The following MARCHF11 variants were observed in gnomAD, a reference collection of about 807,000 sequenced individuals.
The protein encoded by MARCHF11 is membrane associated ring-CH-type finger 11, also known as E3 ubiquitin-protein ligase MARCHF11.
A neutral mutation model predicts 37.3 loss-of-function variants in MARCHF11; 29 were observed. The observed-to-expected ratio is 0.78, with a 90% confidence interval of 0.58 to 1.06. MARCHF11 has a LOEUF of 1.06. MARCHF11 is among the 50% of genes least tolerant of loss of function. The probability of loss-of-function intolerance (pLI) is 0.00; values close to 1 mark genes in which losing one functional copy is unlikely to be tolerated. For synonymous variants in MARCHF11, 233 were observed against 228.0 expected (o/e 1.02, Z -0.20); for missense variants, 482 against 533.4 (o/e 0.90, Z 0.95).
intron 2 of MARCHF11, among the ~76,000 whole-genome samples, chr5:16,093,397 A>G (rs1022532617): frequency 6.6e-6 from 1 of 152,160 alleles, no homozygotes; most frequent in Non-Finnish European, 1.5e-5. Flanking sequence ...GCCTCCTTGC[A>G]TGATAATTCA....
chr5:16,130,491 G>A (rs1737499195), intron 2 of MARCHF11, among the ~76,000 whole-genome samples: 1 of 152,046 alleles, frequency 6.6e-6, no homozygotes, highest in Non-Finnish European at 1.5e-5. Context: ...ATTCTGGCTG[G>A]GCAGTTACAG....
chr5:16,119,128 C>T (rs185975237), intron 2 of MARCHF11, among the ~76,000 whole-genome samples: 235 of 152,008 alleles, frequency 1.5e-3, no homozygotes, highest in African/African-American at 5.0e-3. Context: ...TTTGGGAGGC[C>T]GAGGTGGGTG....
At chr5:16,136,318 T>C (rs768766683) in intron 2 of MARCHF11, among the ~76,000 whole-genome samples, 1 of 151,870 alleles carries the variant, frequency 6.6e-6, no homozygotes, top group Non-Finnish European at 1.5e-5. Context: ...AAACATGAAG[T>C]AAGTGGACTT....
intron 2 of MARCHF11, among the ~76,000 whole-genome samples, chr5:16,124,174 A>G (rs1296477627): frequency 6.6e-6 from 1 of 152,154 alleles, no homozygotes; most frequent in Non-Finnish European, 1.5e-5. Flanking sequence ...TGGCCTGGGA[A>G]CAATGGAGTG....
At chr5:16,148,172 G>C (rs1329865119) in intron 2 of MARCHF11, among the ~76,000 whole-genome samples, 2 of 151,924 alleles carry the variant, frequency 1.3e-5, no homozygotes, top group Non-Finnish European at 2.9e-5. Flanking sequence ...ATCGGAGGAG[G>C]AATTAAGTAT....
At chr5:16,068,767 T>C (rs1736390409) in intron 3 of MARCHF11, among the ~76,000 whole-genome samples, 1 of 152,206 alleles carries the variant, frequency 6.6e-6, no homozygotes, top group Non-Finnish European at 1.5e-5. Context: ...CAAAAAGTAG[T>C]CCCTGGGGAA....
intron 2 of MARCHF11, among the ~76,000 whole-genome samples, chr5:16,167,073 T>A (rs1353652954): frequency 6.7e-6 from 1 of 149,842 alleles, no homozygotes; most frequent in African/African-American, 2.5e-5. Flanking sequence ...AGGAGCATAC[T>A]GAATGCATAT....
chr5:16,120,303 G>A (rs1170809393), intron 2 of MARCHF11, among the ~76,000 whole-genome samples: 1 of 152,170 alleles, frequency 6.6e-6, no homozygotes, highest in African/African-American at 2.4e-5. Context: ...GAAAAGGGCA[G>A]TCAATGCATG....
At chr5:16,118,783 T>C (rs910025008) in intron 2 of MARCHF11, among the ~76,000 whole-genome samples, 3 of 152,122 alleles carry the variant, frequency 2.0e-5, no homozygotes, top group Admixed American at 2.0e-4. Flanking sequence ...CAGGTCATGA[T>C]TGGCTTTGGC....
intron 2 of MARCHF11, among the ~76,000 whole-genome samples, chr5:16,123,147 C>G (rs940916725): frequency 5.9e-5 from 9 of 152,168 alleles, no homozygotes; most frequent in African/African-American, 1.9e-4. Flanking sequence ...ATGTTATGGG[C>G]TGAACTGTGA....
intron 2 of MARCHF11, among the ~76,000 whole-genome samples, chr5:16,129,901 T>G (rs1737486922): frequency 1.3e-5 from 2 of 152,108 alleles, no homozygotes; most frequent in Admixed American, 1.3e-4. Context: ...ATCAATGAGA[T>G]CAGTGTCAAA....
At chr5:16,147,285 C>T (rs1365566335) in intron 2 of MARCHF11, among the ~76,000 whole-genome samples, 2 of 152,104 alleles carry the variant, frequency 1.3e-5, no homozygotes, top group African/African-American at 4.8e-5. Flanking sequence ...TTACTCAGTG[C>T]TTTTTCCATG....
intron 2 of MARCHF11, among the ~76,000 whole-genome samples, chr5:16,109,112 A>ACACACG: frequency 6.6e-6 from 1 of 151,380 alleles, no homozygotes; most frequent in African/African-American, 2.4e-5. Flanking sequence ...ATACACACAC[A>ACACACG]CACACACACA....
chr5:16,109,472 G>T (rs1346423247), intron 2 of MARCHF11, among the ~76,000 whole-genome samples: 1 of 152,238 alleles, frequency 6.6e-6, no homozygotes, highest in Non-Finnish European at 1.5e-5. Flanking sequence ...GCATGGAGCT[G>T]CCCGGAGGAT....
intron 3 of MARCHF11, among the ~76,000 whole-genome samples, chr5:16,082,327 A>G (rs1281102430): frequency 6.6e-6 from 1 of 152,252 alleles, no homozygotes; most frequent in South Asian, 2.1e-4. Context: ...GTCTGAAGCC[A>G]GGAAATAATG....
chr5:16,156,597 G>A (rs1371574375), intron 2 of MARCHF11, among the ~76,000 whole-genome samples: 1 of 151,708 alleles, frequency 6.6e-6, no homozygotes, highest in Non-Finnish European at 1.5e-5. Flanking sequence ...CTGTTTCATT[G>A]GATATTGTCC....
chr5:16,082,830 A>G (rs1736634632), intron 3 of MARCHF11, among the ~76,000 whole-genome samples: 1 of 152,174 alleles, frequency 6.6e-6, no homozygotes, highest in South Asian at 2.1e-4. Context: ...AATACTTCCC[A>G]TGAAACTCAA....
chr5:16,073,000 G>GT (rs1736463646), intron 3 of MARCHF11, among the ~76,000 whole-genome samples: 1 of 152,166 alleles, frequency 6.6e-6, no homozygotes, highest in South Asian at 2.1e-4. Flanking sequence ...ATTTACTCAT[G>GT]TTTTAAACGA....
chr5:16,111,983 T>C (rs1291982823), intron 2 of MARCHF11, among the ~76,000 whole-genome samples: 2 of 152,064 alleles, frequency 1.3e-5, no homozygotes, highest in Non-Finnish European at 2.9e-5. Flanking sequence ...AGCCTGCAGG[T>C]GTACAGAAAT....
Sources: gnomAD v4.1 joint callset for allele counts (sites outside exome capture counted in the v4.1 genomes callset) on GRCh38, gnomAD v4.1.1 for gene constraint, MANE v1.5 for transcripts, NCBI Gene and HGNC (gene_info 2026-07-23, HGNC 2026-07-21) for gene names.